Variants in CNTNAP2 observed in about 807,000 individuals in gnomAD.
CNTNAP2 encodes contactin-associated protein-like 2.
A neutral mutation model predicts 155.2 loss-of-function variants in CNTNAP2; 98 were observed. The observed-to-expected ratio is 0.63, with a 90% CI of 0.54 to 0.75. The LOEUF (loss-of-function observed/expected upper bound fraction) is 0.75, where lower values mean the gene tolerates loss of function less well. Ranked by LOEUF, CNTNAP2 falls within the 30% of genes least tolerant of loss-of-function variation. The pLI is 0.00. For synonymous variants in CNTNAP2, 651 were observed against 631.2 expected, an observed-to-expected ratio of 1.03 and a Z score of -0.47; for missense variants, 1,727 against 1,688.1, an observed-to-expected ratio of 1.02 and a Z score of -0.40.
chr7:146,499,986 TA>T (rs1417440248), intron 1 of CNTNAP2, among the ~76,000 whole-genome samples: 1 of 152,196 alleles, frequency 6.6e-6, no homozygotes, highest in East Asian at 1.9e-4. Flanking sequence ...TATATCATTG[TA>T]AGTAAAAATT....
At chr7:146,830,371 A>G (rs1315646383) in intron 2 of CNTNAP2, among the ~76,000 whole-genome samples, 1 of 152,020 alleles carries the variant, frequency 6.6e-6, no homozygotes, top group African/African-American at 2.4e-5. Flanking sequence ...GCTGGCAATG[A>G]TTTCTTTATA....
At chr7:147,083,785 TTA>T (rs1292870298) in intron 4 of CNTNAP2, among the ~76,000 whole-genome samples, 2 of 124,206 alleles carry the variant, frequency 1.6e-5, no homozygotes, top group Non-Finnish European at 3.5e-5. Context: ...TATGTATATA[TTA>T]TATATACATA....
chr7:147,042,996 A>G (rs1799288299), intron 3 of CNTNAP2, among the ~76,000 whole-genome samples: 1 of 152,142 alleles, frequency 6.6e-6, no homozygotes, highest in Non-Finnish European at 1.5e-5. Flanking sequence ...CATGTTTAAA[A>G]TAGCACAAGC....
At chr7:146,629,551 A>G (rs575452040) in intron 1 of CNTNAP2, among the ~76,000 whole-genome samples, 1 of 152,324 alleles carries the variant, frequency 6.6e-6, no homozygotes, top group South Asian at 2.1e-4. Context: ...AATATTTTAT[A>G]CCAAGGAATT....
At chr7:146,389,563 A>G (rs1224677694) in intron 1 of CNTNAP2, among the ~76,000 whole-genome samples, 1 of 151,794 alleles carries the variant, frequency 6.6e-6, no homozygotes, top group Non-Finnish European at 1.5e-5. Context: ...ATTTTAAAAT[A>G]AGAGCTTTTT....
At chr7:146,279,427 TAAACAC>T (rs1800214087) in intron 1 of CNTNAP2, among the ~76,000 whole-genome samples, 1 of 125,976 alleles carries the variant, frequency 7.9e-6, no homozygotes, top group Non-Finnish European at 1.6e-5. Flanking sequence ...TTCATTTCCT[TAAACAC>T]ACACACACAC....
At chr7:147,702,435 C>A (rs573191961) in intron 13 of CNTNAP2, among the ~76,000 whole-genome samples, 2 of 151,978 alleles carry the variant, frequency 1.3e-5, no homozygotes, top group South Asian at 4.2e-4. Context: ...GACCAAAAAT[C>A]TTGATGTGTA....
chr7:148,223,606 G>C (rs1012389252), intron 19 of CNTNAP2, among the ~76,000 whole-genome samples: 1 of 151,970 alleles, frequency 6.6e-6, no homozygotes, highest in Non-Finnish European at 1.5e-5. Flanking sequence ...ATCATTTAGC[G>C]GTCCTCTTCT....
intron 12 of CNTNAP2, among the ~76,000 whole-genome samples, chr7:147,575,158 C>T (rs1800366145): frequency 9.9e-6 from 1 of 100,710 alleles, no homozygotes; most frequent in African/African-American, 4.1e-5. Flanking sequence ...TGTGTATTCC[C>T]TAGCTTTAGG....
chr7:146,821,303 C>T (rs978385917), intron 2 of CNTNAP2, among the ~76,000 whole-genome samples: 7 of 152,042 alleles, frequency 4.6e-5, no homozygotes, highest in African/African-American at 1.7e-4. Context: ...TGGCTGGTAC[C>T]AGTTGTTCCT....
chr7:146,293,017 A>G (rs2084730404), intron 1 of CNTNAP2, among the ~76,000 whole-genome samples: 2 of 152,258 alleles, frequency 1.3e-5, no homozygotes, highest in Admixed American at 6.5e-5. Flanking sequence ...ACCACAAAAT[A>G]TGGTATTTAA....
At chr7:146,485,829 C>T (rs1370358240) in intron 1 of CNTNAP2, among the ~76,000 whole-genome samples, 4 of 151,982 alleles carry the variant, frequency 2.6e-5, no homozygotes, top group African/African-American at 7.2e-5. Context: ...TACCTATTAA[C>T]AAACCTGCAC....
chr7:148,130,228 AT>A (rs1416019838), intron 16 of CNTNAP2, among the ~76,000 whole-genome samples: 1 of 152,238 alleles, frequency 6.6e-6, no homozygotes, highest in East Asian at 1.9e-4. Flanking sequence ...AGACTGTTTT[AT>A]CTTGATAGAA....
intron 1 of CNTNAP2, among the ~76,000 whole-genome samples, chr7:146,238,969 T>G (rs1351752287): frequency 6.6e-6 from 1 of 152,042 alleles, no homozygotes. Context: ...CCTTGACAGG[T>G]GAGGATTGTG....
Position 148,263,389 on chromosome 7 carries a change from C to T in CNTNAP2, c.3382-3644C>T, listed in dbSNP as rs1249181968. ...GCAGGATCACCGAGAAGCAAGATGACACAATCAACAATCAAAAACCTCTGA... is the reference window on the plus strand; with the variant it reads ...GCAGGATCACCGAGAAGCAAGATGATACAATCAACAATCAAAAACCTCTGA... On this transcript the variant is annotated intron_variant, in intron 20 of 23. Transcript: ENST00000361727. Among the ~76,000 whole-genome samples, 3 of 151,940 alleles carry T rather than the reference C, an allele frequency of 2.0e-5. No homozygotes were observed. In the East Asian group the frequency reaches 5.8e-4, roughly 29 times the overall value.
chr7:148,248,602 G>C (rs1166799329), intron 20 of CNTNAP2, among the ~76,000 whole-genome samples: 1 of 151,914 alleles, frequency 6.6e-6, no homozygotes, highest in Non-Finnish European at 1.5e-5. Flanking sequence ...TTTTTTAATT[G>C]CTGGGTGGTA....
chr7:147,782,559 G>A (rs1337621029), intron 13 of CNTNAP2, among the ~76,000 whole-genome samples: 14 of 152,202 alleles, frequency 9.2e-5, no homozygotes, highest in Non-Finnish European at 5.9e-5. Flanking sequence ...CATAGCGGAA[G>A]TGGTAAAGAA....
At chr7:146,215,153 A>G (rs548960032) in intron 1 of CNTNAP2, among the ~76,000 whole-genome samples, 65 of 152,344 alleles carry the variant, frequency 4.3e-4, no homozygotes, top group East Asian at 1.5e-3. Context: ...AACCTGAACT[A>G]CATTTTAAAA....
At chr7:148,057,109 G>A (rs1326231303) in intron 15 of CNTNAP2, among the ~76,000 whole-genome samples, 3 of 152,078 alleles carry the variant, frequency 2.0e-5, no homozygotes, top group Non-Finnish European at 4.4e-5. Context: ...CACAGCCCTC[G>A]GTGCAGTCAC....
Sources: allele counts gnomAD v4.1 joint callset (sites outside exome capture counted in the v4.1 genomes callset), GRCh38; gene constraint gnomAD v4.1.1; transcripts MANE v1.5; gene names NCBI Gene and HGNC (gene_info 2026-07-23, HGNC 2026-07-21).